Variants in A1CF observed in about 807,000 individuals in gnomAD.
The protein encoded by A1CF is APOBEC1 complementation factor, also known as APOBEC-1 stimulating protein.
In A1CF, 48 loss-of-function variants were observed where a neutral mutation model predicts 68.9. The ratio of observed to expected loss-of-function variants is 0.70; its 90% CI spans 0.55 to 0.89. The LOEUF (loss-of-function observed/expected upper bound fraction) is 0.89. Ranked by LOEUF, A1CF falls within the 40% of genes least tolerant of loss-of-function variation. The pLI is 0.00. For synonymous variants in A1CF, 272 were observed against 260.4 expected, an observed-to-expected ratio of 1.04 and a Z score of -0.43; for missense variants, 653 against 718.9, an observed-to-expected ratio of 0.91 and a Z score of 1.05.
chr10:50,880,731 A>G (rs1278698461), intron 1 of A1CF, among the ~76,000 whole-genome samples: 1 of 152,220 alleles, frequency 6.6e-6, no homozygotes, highest in Non-Finnish European at 1.5e-5. Context: ...ATCCCAGTAG[A>G]AGAGCTGGAT....
At chr10:50,816,334 G>A (rs1222241511) in intron 8 of A1CF, 55 bp from the exon 9 acceptor site, 2 of 1,572,302 alleles carry the variant, frequency 1.3e-6, no homozygotes, top group African/African-American at 2.7e-5. Flanking sequence ...ATAACCAAGT[G>A]TGGCTGAGCC....
At position 50,858,256 on chromosome 10, in the gene A1CF, T is replaced by A. The variant is rs1245952498; in HGVS notation, c.99+1586A>T. Reference sequence around the variant, plus strand: ...ATATCAATTTTTTTAAATGAAGGATTTTTATTACCTGAACGTTACCAGAAA... The same window carrying A: ...ATATCAATTTTTTTAAATGAAGGATATTTATTACCTGAACGTTACCAGAAA... On this transcript the variant is annotated intron_variant, in intron 3 of 12. Transcript: ENST00000373997. 2.0e-5 allele frequency among the ~76,000 whole-genome samples: 3 copies of A among 152,128 alleles called. No homozygotes were observed. In the East Asian group the frequency reaches 5.8e-4, roughly 29 times the overall value.
chr10:50,817,113 G>A (rs10994585), intron 8 of A1CF, among the ~76,000 whole-genome samples: 32,976 of 152,086 alleles, frequency 0.22, 4,197 homozygotes, highest in East Asian at 0.46. Context: ...GTAGATCTAC[G>A]TGTGCTACTA....
intron 6 of A1CF, among the ~76,000 whole-genome samples, chr10:50,835,462 G>A (rs1297959156): frequency 2.6e-5 from 4 of 152,134 alleles, no homozygotes; most frequent in Admixed American, 6.6e-5. Context: ...GCCAAGAACT[G>A]TAAAAAATTT....
At chr10:50,859,154 G>A (rs1220683482) in intron 3 of A1CF, among the ~76,000 whole-genome samples, 1 of 151,962 alleles carries the variant, frequency 6.6e-6, no homozygotes, top group East Asian at 1.9e-4. Flanking sequence ...TGTAAAAACA[G>A]CAACATTTTT....
At chr10:50,857,873 G>A (rs1278543302) in intron 3 of A1CF, among the ~76,000 whole-genome samples, 1 of 152,134 alleles carries the variant, frequency 6.6e-6, no homozygotes, top group Non-Finnish European at 1.5e-5. Flanking sequence ...CTCTCCATGA[G>A]GGCTGCTTCA....
chr10:50,857,010 T>C, intron 3 of A1CF, among the ~76,000 whole-genome samples: 1 of 152,146 alleles, frequency 6.6e-6, no homozygotes, highest in Admixed American at 6.6e-5. Context: ...AGTAAGATTA[T>C]CTCCATTGTT....
At chr10:50,864,319 G>A (rs1840881166) in intron 1 of A1CF, among the ~76,000 whole-genome samples, 1 of 152,172 alleles carries the variant, frequency 6.6e-6, no homozygotes, top group Admixed American at 6.5e-5. Context: ...TATTGGAGGA[G>A]AGAAGCAGAG....
intron 1 of A1CF, among the ~76,000 whole-genome samples, chr10:50,875,479 G>A (rs1013870475): frequency 2.8e-4 from 42 of 152,208 alleles, no homozygotes; most frequent in Admixed American, 1.3e-3. Context: ...TCTCTTAGGA[G>A]AAAGGAGCAG....
chr10:50,801,649 A>C lies in A1CF; in HGVS notation c.*5080T>G, dbSNP rs904343463. ...AAGATACTGTTTCTTGGTATCTCCT[A>C]TTCCCTTAGACAAAGTATCATTTGT... is the stretch of plus-strand genomic sequence containing the variant. On this transcript the variant is annotated 3_prime_UTR_variant, in exon 13 of 13. Coordinates refer to ENST00000373997, the MANE Select transcript of A1CF (RefSeq NM_014576.4). 1 of 152,190 alleles carries C rather than the reference A, an allele frequency of 6.6e-6. No individual in the cohort carries two copies. Among genetic ancestry groups the C allele is most frequent in the Non-Finnish European group, 1.5e-5 (1 of 68,026 alleles). 9.4% of individuals were successfully genotyped at this position (152,190 alleles called of 1,614,324 possible). A position where few individuals can be genotyped will look rare whatever the true frequency, so the allele number is the denominator to read the frequency against.
rs746350065 is a variant in A1CF at position 50,815,854 on chromosome 10, A to G, written c.1141+152T>C. On this transcript the variant is annotated intron_variant, in intron 9 of 12. Coordinates refer to ENST00000373997, the MANE Select transcript of A1CF (RefSeq NM_014576.4). The stretch of plus-strand genomic sequence containing the variant: ...TTGTAATGTGAAAAAGATTCCTATT[A>G]AAGGAAAACTATTGATATAATAGTT... The G allele has an allele frequency of 9.9e-6, 9 of 912,984 alleles. No homozygotes were observed. In the Middle Eastern group the frequency reaches 1.5e-3, roughly 149 times the overall value. The allele number at this position is 912,984 out of a possible 1,614,324, so 56.6% of individuals were successfully genotyped here.
chr10:50,809,428 T>G (rs780796092), intron 12 of A1CF, among the ~76,000 whole-genome samples: 39 of 152,278 alleles, frequency 2.6e-4, no homozygotes, highest in Admixed American at 5.9e-4. Context: ...TACTTAATCT[T>G]TCTGTATATG....
At chr10:50,808,896 A>G (rs1436827583) in intron 12 of A1CF, among the ~76,000 whole-genome samples, 1 of 152,176 alleles carries the variant, frequency 6.6e-6, no homozygotes, top group African/African-American at 2.4e-5. Context: ...TAATTAATCA[A>G]TAAGAATATC....
intron 5 of A1CF, among the ~76,000 whole-genome samples, chr10:50,836,536 C>T (rs2132430451): frequency 6.6e-6 from 1 of 152,168 alleles, no homozygotes; most frequent in East Asian, 1.9e-4. Context: ...GTAGCATCTG[C>T]TTTCTTTTTT....
chr10:50,828,185 T>G lies in A1CF; in HGVS notation c.715A>C (p.Met239Leu), dbSNP rs1456947571. 2.5e-6 allele frequency: 4 copies of G among 1,609,034 alleles called. No homozygotes were observed. Among genetic ancestry groups the G allele is most frequent in the Non-Finnish European group, 3.4e-6 (4 of 1,176,666 alleles). ...ATCATCTCTTCAGAGGTAGACAGCA[T>G]AAGATTTCTTACATATAGGATTTTC... is the stretch of plus-strand genomic sequence containing the variant. Reference protein sequence around the residue: ...SVKILYVRNLMLSTSEEMIEK... With the variant: ...SVKILYVRNLLLSTSEEMIEK... Residue 239 changes from methionine (M) to leucine (L), a missense_variant, in exon 7 of 13, where the codon ATG becomes CTG. Met to Leu is a conservative substitution (Grantham distance 15). Transcript: ENST00000373997.
intron 1 of A1CF, among the ~76,000 whole-genome samples, chr10:50,866,538 A>G (rs1397725710): frequency 6.6e-6 from 1 of 152,246 alleles, no homozygotes; most frequent in Non-Finnish European, 1.5e-5. Flanking sequence ...GTTTCAGGGA[A>G]GTTGGCAGGG....
intron 6 of A1CF, 42 bp from the exon 7 acceptor site, chr10:50,828,337 C>A: frequency 6.9e-7 from 1 of 1,441,344 alleles, no homozygotes; most frequent in Non-Finnish European, 9.3e-7. Context: ...ATGTAGGAAT[C>A]AGGACAACAT....
In A1CF at chr10:50,816,227, T is replaced by C; in HGVS notation, c.920A>G (p.Asp307Gly). The change falls in exon 9 of 13, where the codon GAC (aspartate) becomes GGC (glycine). Residue 307 changes from aspartate to glycine, a missense_variant. By Grantham distance (94) the Asp-to-Gly change is moderately conservative. Coordinates refer to ENST00000373997, the MANE Select transcript of A1CF (RefSeq NM_014576.4). Reference sequence around the variant, plus strand: ...GCCTCGGGTATACCTAACATAACTGTCCTTGTCCACTGGTTTTGCTAGGGT... The same window carrying C: ...GCCTCGGGTATACCTAACATAACTGCCCTTGTCCACTGGTTTTGCTAGGGT... ...EVTLAKPVDKDSYVRYTRGTG... is the reference protein window; with the variant it reads ...EVTLAKPVDKGSYVRYTRGTG... The C allele has an allele frequency of 6.2e-7, 1 of 1,613,748 alleles. No individual in the cohort carries two copies. Among genetic ancestry groups the C allele is most frequent in the Non-Finnish European group, 8.5e-7 (1 of 1,179,802 alleles).
At chr10:50,865,347 T>C (rs922771324) in intron 1 of A1CF, among the ~76,000 whole-genome samples, 3 of 152,106 alleles carry the variant, frequency 2.0e-5, no homozygotes, top group African/African-American at 7.2e-5. Context: ...ATGATGATAA[T>C]TCCATCATAG....
Sources: gnomAD v4.1 joint callset for allele counts (sites outside exome capture counted in the v4.1 genomes callset) on GRCh38, gnomAD v4.1.1 for gene constraint, MANE v1.5 for transcripts, NCBI Gene and HGNC (gene_info 2026-07-23, HGNC 2026-07-21) for gene names.